PCDH17: variants seen among roughly 807,000 people sequenced by gnomAD.
The protein encoded by PCDH17 is protocadherin 17, also known as protocadherin-17.
In PCDH17, 21 loss-of-function variants were observed where a neutral mutation model predicts 67.7. The observed-to-expected ratio is 0.31, with a 90% CI of 0.22 to 0.45. The LOEUF (loss-of-function observed/expected upper bound fraction) is 0.45. Ranked by LOEUF, PCDH17 falls within the 20% of genes least tolerant of loss-of-function variation. The probability of loss-of-function intolerance (pLI) is 1.00; values close to 1 mark genes in which losing one functional copy is unlikely to be tolerated. For missense variants in PCDH17, 1,471 were observed against 1,564.8 expected, an observed-to-expected ratio of 0.94 and a Z score of 1.01; for synonymous variants, 701 against 656.7, an observed-to-expected ratio of 1.07 and a Z score of -1.03.
At chr13:57,700,903 C>T (rs1385253263) in intron 3 of PCDH17, among the ~76,000 whole-genome samples, 2 of 152,116 alleles carry the variant, frequency 1.3e-5, no homozygotes, top group East Asian at 3.9e-4. Context: ...GTGATGTGTG[C>T]TTGTACTCCC....
At chr13:57,653,675 C>A (rs1034673101) in intron 1 of PCDH17, among the ~76,000 whole-genome samples, 8 of 151,886 alleles carry the variant, frequency 5.3e-5, no homozygotes, top group Non-Finnish European at 1.0e-4. Context: ...AGGAAGTATG[C>A]GATACAAAGG....
In PCDH17 at chr13:57,632,941, TCTC is replaced by T. The variant is rs758177241; in HGVS notation, c.399_401del (p.Ser134del). On this transcript the variant is annotated inframe_deletion, in exon 1 of 4. Coordinates refer to ENST00000377918, the MANE Select transcript of PCDH17 (RefSeq NM_001040429.3). ...GACATCAACGACAACGCGCCCTCCT[TCTC>T]CTCGGACCAGATCGAAATGGACATC... 2 of 1,613,614 alleles carry T rather than the reference TCTC, an allele frequency of 1.2e-6. No individual in the cohort carries two copies. The highest frequency in any genetic ancestry group is 1.1e-5 in the South Asian group (1 of 91,048).
intron 3 of PCDH17, among the ~76,000 whole-genome samples, chr13:57,715,026 G>A (rs560448141): frequency 2.0e-5 from 3 of 151,780 alleles, no homozygotes; most frequent in South Asian, 4.2e-4. Flanking sequence ...TTTCCTAAAG[G>A]GAAATTATTC....
chr13:57,639,402 T>A (rs2137980323), intron 1 of PCDH17, among the ~76,000 whole-genome samples: 1 of 152,002 alleles, frequency 6.6e-6, no homozygotes, highest in East Asian at 1.9e-4. Context: ...GTTACTTTTA[T>A]TTTTATATGC....
At chr13:57,630,832 G>T (rs1238478901), upstream of PCDH17, among the ~76,000 whole-genome samples, 1 of 152,178 alleles carries the variant, frequency 6.6e-6, no homozygotes, top group African/African-American at 2.4e-5. Flanking sequence ...GAGTGAATAC[G>T]ATTCGTTCCG....
chr13:57,670,006 A>G (rs1593915246), intron 3 of PCDH17, among the ~76,000 whole-genome samples: 1 of 152,172 alleles, frequency 6.6e-6, no homozygotes. Flanking sequence ...GTAGGAAAGT[A>G]CTGTTACTCT....
intron 3 of PCDH17, among the ~76,000 whole-genome samples, chr13:57,708,427 T>C (rs1955741159): frequency 6.6e-6 from 1 of 152,062 alleles, no homozygotes; most frequent in Non-Finnish European, 1.5e-5. Flanking sequence ...AGGTAATTTC[T>C]AGATTATTCT....
chr13:57,648,733 CCTTAGAGTTATA>C (rs1372318975), intron 1 of PCDH17, among the ~76,000 whole-genome samples: 4 of 151,984 alleles, frequency 2.6e-5, no homozygotes, highest in African/African-American at 7.2e-5. Flanking sequence ...ATTCATATTA[CCTTAGAGTTATA>C]CTTACAACAT....
chr13:57,633,593 G>A lies in PCDH17; in HGVS notation c.1047G>A (p.Pro349=), dbSNP rs1954764179. The A allele has an allele frequency of 6.2e-7, 1 of 1,612,800 alleles. No individual in the cohort carries two copies. Among genetic ancestry groups the A allele is most frequent in the Non-Finnish European group, 8.5e-7 (1 of 1,180,032 alleles). Residue 349 remains proline (P), a synonymous_variant, in exon 1 of 4, where the codon CCG becomes CCA. Transcript: ENST00000377918. The surrounding 1 kb of genome is among the most constrained non-coding windows in gnomAD (Gnocchi z 6.2). ...TCATCGACCGCAACGACAATGCGCCGTCCATCGGTTTCGTCTCCGTGCGCC... is the reference window on the plus strand; with the variant it reads ...TCATCGACCGCAACGACAATGCGCCATCCATCGGTTTCGTCTCCGTGCGCC... ...VKLIDRNDNA[P]SIGFVSVRQG...
chr13:57,672,334 T>C (rs2138033127), intron 3 of PCDH17, among the ~76,000 whole-genome samples: 1 of 152,130 alleles, frequency 6.6e-6, no homozygotes, highest in African/African-American at 2.4e-5. Flanking sequence ...TAGGCTAGTT[T>C]AAATGAGGGC....
Position 57,724,993 on chromosome 13 carries a change from A to C in PCDH17, c.3179A>C (p.Lys1060Thr). ...TKGSLDGCEA[K>T]PGALAEASSQ... ...GGCTCCCTGGATGGCTGTGAAGCAA[A>C]ACCAGGAGCCCTGGCTGAAGCAAGC... Residue 1060 changes from lysine to threonine, a missense_variant, in exon 4 of 4, where the codon AAA becomes ACA. Physicochemically the swap from Lys to Thr is moderately conservative, Grantham distance 78. This residue lies in a region of PCDH17 where 297 missense variants were observed against 298.6 expected (regional missense o/e 0.99). Transcript: ENST00000377918. 1 of 1,614,142 alleles carries C rather than the reference A, an allele frequency of 6.2e-7. No individual in the cohort carries two copies. Among genetic ancestry groups the C allele is most frequent in the South Asian group, 1.1e-5 (1 of 91,080 alleles).
intron 1 of PCDH17, among the ~76,000 whole-genome samples, chr13:57,658,764 G>GTTTGT (rs61473114): frequency 0.043 from 6,521 of 150,100 alleles, 300 homozygotes; most frequent in African/African-American, 0.12. Context: ...TTTTTCGTTT[G>GTTTGT]TTTGTTTTGT....
chr13:57,691,786 T>G (rs61961893), intron 3 of PCDH17, among the ~76,000 whole-genome samples: 1 of 151,108 alleles, frequency 6.6e-6, no homozygotes, highest in Non-Finnish European at 1.5e-5. Context: ...TCTAGGATAA[T>G]TTTAGTTGCT....
At chr13:57,680,371 C>T (rs1955437182) in intron 3 of PCDH17, among the ~76,000 whole-genome samples, 1 of 151,420 alleles carries the variant, frequency 6.6e-6, no homozygotes, top group Non-Finnish European at 1.5e-5. Flanking sequence ...TGTAGCAAGC[C>T]ATAGCATAAT....
At chr13:57,667,837 A>G (rs1213239310) in intron 3 of PCDH17, among the ~76,000 whole-genome samples, 14 of 148,454 alleles carry the variant, frequency 9.4e-5, no homozygotes, top group African/African-American at 3.4e-4. Context: ...GCAAATATTA[A>G]TATACCCATA....
intron 3 of PCDH17, among the ~76,000 whole-genome samples, chr13:57,678,945 C>CTA (rs1241421339): frequency 6.6e-6 from 1 of 151,362 alleles, no homozygotes; most frequent in East Asian, 1.9e-4. Context: ...TAGAAAGGGG[C>CTA]TATAGTTCAT....
At chr13:57,647,193 T>C (rs919003286) in intron 1 of PCDH17, among the ~76,000 whole-genome samples, 4 of 151,854 alleles carry the variant, frequency 2.6e-5, no homozygotes, top group African/African-American at 7.2e-5. Context: ...TTTTAGTCTT[T>C]ATATCAAACC....
chr13:57,650,709 T>G (rs1190318901), intron 1 of PCDH17, among the ~76,000 whole-genome samples: 2 of 152,156 alleles, frequency 1.3e-5, no homozygotes, highest in African/African-American at 4.8e-5. Context: ...TCTAAAACAG[T>G]GTCCAGTGTA....
At chr13:57,640,496 C>T (rs773026132) in intron 1 of PCDH17, among the ~76,000 whole-genome samples, 2 of 152,022 alleles carry the variant, frequency 1.3e-5, no homozygotes, top group Non-Finnish European at 2.9e-5. Flanking sequence ...TATTTCTTCT[C>T]TAAGGAACAG....
Sources: allele counts gnomAD v4.1 joint callset (sites outside exome capture counted in the v4.1 genomes callset), GRCh38; gene constraint gnomAD v4.1.1; regional missense constraint gnomAD v4.1.1; non-coding constraint Gnocchi (gnomAD v3.1); transcripts MANE v1.5; gene names NCBI Gene and HGNC (gene_info 2026-07-23, HGNC 2026-07-21).